MTIF2: variants seen among roughly 807,000 people sequenced by gnomAD.
MTIF2 encodes the protein mitochondrial translational initiation factor 2.
A neutral mutation model predicts 83.5 loss-of-function variants in MTIF2; 71 were observed. That is an observed-to-expected ratio of 0.85 (90% CI 0.70 to 1.04). The LOEUF is 1.04. MTIF2 is among the 50% of genes least tolerant of loss of function. The probability of loss-of-function intolerance (pLI) is 0.00; values close to 1 mark genes in which losing one functional copy is unlikely to be tolerated. For synonymous variants in MTIF2, 319 were observed against 287.1 expected (o/e 1.11, Z -1.12); for missense variants, 957 against 846.5 (o/e 1.13, Z -1.62).
Position 55,263,736 on chromosome 2 carries a change from G to T in MTIF2, c.123C>A (p.Tyr41Ter). Residue 41 changes from tyrosine to a stop codon, truncating the protein, a stop_gained, in exon 4 of 16, where the codon TAC (tyrosine) becomes TAA (stop). Transcript: ENST00000263629. LOFTEE classifies it high-confidence loss of function. ...RQWRHGFSSA[Y>*]PVWTAQLCAW... ...CACACAGTTGAGCTGTCCACACAGGGTAAGCAGATGAAAACCCATGCCTCC... is the reference window on the plus strand; with the variant it reads ...CACACAGTTGAGCTGTCCACACAGGTTAAGCAGATGAAAACCCATGCCTCC... 1 of 1,614,164 alleles carries T rather than the reference G, an allele frequency of 6.2e-7. No individual in the cohort carries two copies. The highest frequency in any genetic ancestry group is 8.5e-7 in the Non-Finnish European group (1 of 1,180,030).
At chr2:55,265,698 C>T (rs1678379623) in intron 3 of MTIF2, among the ~76,000 whole-genome samples, 1 of 151,906 alleles carries the variant, frequency 6.6e-6, no homozygotes, top group African/African-American at 2.4e-5. Context: ...ATTTTACTCA[C>T]AAAAATAAGG....
intron 13 of MTIF2, among the ~76,000 whole-genome samples, chr2:55,242,502 G>A (rs1431288958): frequency 6.6e-6 from 1 of 152,076 alleles, no homozygotes; most frequent in African/African-American, 2.4e-5. Context: ...AAAAAGATAC[G>A]ATGTATAAAG....
chr2:55,238,632 C>A (rs1404969368), intron 14 of MTIF2, among the ~76,000 whole-genome samples: 1 of 152,084 alleles, frequency 6.6e-6, no homozygotes, highest in African/African-American at 2.4e-5. Flanking sequence ...CTCAGGTGAT[C>A]CGCCCGCCTC....
At chr2:55,252,283 C>T (rs1456366336) in intron 8 of MTIF2, among the ~76,000 whole-genome samples, 194 bp downstream of exon 8, 1 of 152,156 alleles carries the variant, frequency 6.6e-6, no homozygotes, top group African/African-American at 2.4e-5. Flanking sequence ...CTTATGGTCA[C>T]AACTCCCAAG....
chr2:55,264,274 G>C (rs540420154), intron 3 of MTIF2, among the ~76,000 whole-genome samples: 4 of 152,236 alleles, frequency 2.6e-5, no homozygotes, highest in Admixed American at 6.5e-5. Context: ...ATCCAGGCTG[G>C]AGGCTGGAAT....
Position 55,237,271 on chromosome 2 carries a change from AT to A in MTIF2, c.2011+16del, listed in dbSNP as rs1675910643. On this transcript the variant is annotated intron_variant, in intron 15 of 15. Transcript: ENST00000263629. ...GTGACTGGATATGCTATTATAGGAG[AT>A]TTTGATGTTGCTTACCCTTCCAAAT... 3.7e-6 allele frequency: 6 copies of A among 1,605,222 alleles called. No homozygotes were observed. Among genetic ancestry groups the A allele is most frequent in the Non-Finnish European group, 5.1e-6 (6 of 1,177,324 alleles).
intron 5 of MTIF2, among the ~76,000 whole-genome samples, chr2:55,261,538 C>T (rs1428289509): frequency 2.0e-5 from 3 of 151,444 alleles, no homozygotes; most frequent in African/African-American, 7.3e-5. Context: ...ACCTGGGAGG[C>T]GGAGGTTGCA....
At chr2:55,254,293 A>G (rs567262235) in intron 6 of MTIF2, 92 bp from the exon 7 acceptor site, 1 of 1,383,360 alleles carries the variant, frequency 7.2e-7, no homozygotes, top group African/African-American at 1.5e-5. Context: ...GTGAACTACC[A>G]TTAACAATAA....
chr2:55,254,601 T>TA, intron 6 of MTIF2, 53 bp downstream of exon 6: 1 of 1,371,608 alleles, frequency 7.3e-7, no homozygotes, highest in Non-Finnish European at 9.7e-7. Flanking sequence ...AAAGTGTAAA[T>TA]ATAACTATGT....
chr2:55,267,192 C>T (rs1005800550), intron 3 of MTIF2, among the ~76,000 whole-genome samples: 3 of 151,594 alleles, frequency 2.0e-5, no homozygotes, highest in African/African-American at 7.3e-5. Context: ...GAGTTTTGCT[C>T]ATCGCTCAGG....
At chr2:55,261,056 G>A (rs1016484709) in intron 5 of MTIF2, among the ~76,000 whole-genome samples, 7 of 151,412 alleles carry the variant, frequency 4.6e-5, no homozygotes, top group Non-Finnish European at 8.8e-5. Flanking sequence ...GCGCGATCTC[G>A]GCTCACTGCA....
chr2:55,243,948 C>T (rs1241240202), intron 11 of MTIF2, 81 bp downstream of exon 11: 2 of 1,190,776 alleles, frequency 1.7e-6, no homozygotes, highest in South Asian at 1.6e-5. Flanking sequence ...AACATTAATA[C>T]ACATATTTGG....
intron 9 of MTIF2, among the ~76,000 whole-genome samples, chr2:55,247,604 A>C (rs1182489795): frequency 1.3e-5 from 2 of 152,106 alleles, no homozygotes; most frequent in Non-Finnish European, 1.5e-5. Context: ...AAAACAAAAC[A>C]AAAAAATTGA....
At chr2:55,254,629 G>A (rs755286395) in intron 6 of MTIF2, 25 bp downstream of exon 6, 1 of 1,539,224 alleles carries the variant, frequency 6.5e-7, no homozygotes. Flanking sequence ...CCCAAACCCT[G>A]CCAGTATATA....
chr2:55,241,608 C>T (rs1454399882), intron 13 of MTIF2, among the ~76,000 whole-genome samples: 2 of 152,006 alleles, frequency 1.3e-5, no homozygotes, highest in Non-Finnish European at 2.9e-5. Context: ...TTTGGGAGGC[C>T]GAGGTGGGTG....
intron 5 of MTIF2, 125 bp downstream of exon 5, chr2:55,262,191 T>C (rs1678055622): frequency 1.4e-6 from 1 of 704,252 alleles, no homozygotes; most frequent in African/African-American, 1.8e-5. Flanking sequence ...AATATTACAA[T>C]GACTTAATAT....
chr2:55,238,904 G>C (rs1253251521), intron 14 of MTIF2, among the ~76,000 whole-genome samples: 2 of 152,142 alleles, frequency 1.3e-5, no homozygotes, highest in Non-Finnish European at 2.9e-5. Flanking sequence ...ATCATGTTGA[G>C]CAGGTCAGAA....
chr2:55,261,233 A>G (rs1677959088), intron 5 of MTIF2, among the ~76,000 whole-genome samples: 1 of 152,094 alleles, frequency 6.6e-6, no homozygotes, highest in Non-Finnish European at 1.5e-5. Flanking sequence ...AGCCTCCCAA[A>G]GTGTTGGAAT....
At chr2:55,243,210 T>C in intron 12 of MTIF2, 130 bp from the exon 13 acceptor site, 1 of 1,093,050 alleles carries the variant, frequency 9.1e-7, no homozygotes. Flanking sequence ...TATTTAGGCT[T>C]AGCATTACAC....
Sources: allele counts gnomAD v4.1 joint callset (sites outside exome capture counted in the v4.1 genomes callset), GRCh38; gene constraint gnomAD v4.1.1; transcripts MANE v1.5; gene names NCBI Gene and HGNC (gene_info 2026-07-23, HGNC 2026-07-21).